The following MECOM variants were observed in gnomAD, a reference collection of about 807,000 sequenced individuals.
MECOM encodes the protein MDS1 and EVI1 complex locus.
In MECOM, 13 loss-of-function variants were observed where a neutral mutation model predicts 116.3. The ratio of observed to expected loss-of-function variants is 0.11; its 90% confidence interval spans 0.07 to 0.18. MECOM has a LOEUF of 0.18. Among genes scored for constraint, MECOM ranks in the 10% least tolerant of loss-of-function variants. The pLI, the probability that MECOM is intolerant of heterozygous loss-of-function variation, is 1.00. For missense variants in MECOM, 1,299 were observed against 1,509.0 expected (o/e 0.86, Z 2.31); for synonymous variants, 528 against 535.2 (o/e 0.99, Z 0.19).
chr3:169,580,871 A>G (rs1466571612), intron 1 of MECOM, among the ~76,000 whole-genome samples: 1 of 152,216 alleles, frequency 6.6e-6, no homozygotes, highest in Non-Finnish European at 1.5e-5. Context: ...CGTATTGACA[A>G]CTAGAGGCTT....
intron 12 of MECOM, among the ~76,000 whole-genome samples, chr3:169,095,769 C>T (rs1311337907): frequency 6.6e-6 from 1 of 152,018 alleles, no homozygotes; most frequent in Admixed American, 6.6e-5. Context: ...AAAACTAAAA[C>T]AATGTAAATA....
At chr3:169,362,232 A>G (rs1308009883) in intron 2 of MECOM, among the ~76,000 whole-genome samples, 1 of 151,928 alleles carries the variant, frequency 6.6e-6, no homozygotes, top group Non-Finnish European at 1.5e-5. Flanking sequence ...CTCAACAACA[A>G]CAATAAATTA....
At chr3:169,569,566 G>C (rs1419121888) in intron 1 of MECOM, among the ~76,000 whole-genome samples, 2 of 152,116 alleles carry the variant, frequency 1.3e-5, no homozygotes, top group African/African-American at 4.8e-5. Context: ...TTCTAAAATT[G>C]ACCATGTAAT....
At chr3:169,485,999 A>AC (rs1276231504) in intron 1 of MECOM, among the ~76,000 whole-genome samples, 1 of 87,338 alleles carries the variant, frequency 1.1e-5, no homozygotes, top group African/African-American at 4.7e-5. Context: ...ATATATGTAT[A>AC]TATATACTAT....
chr3:169,590,579 T>A (rs751221830), intron 1 of MECOM, among the ~76,000 whole-genome samples: 1 of 152,236 alleles, frequency 6.6e-6, no homozygotes, highest in Non-Finnish European at 1.5e-5. Context: ...GATGTATTTT[T>A]AAAATCTCTG....
At chr3:169,366,138 G>A (rs1431716196) in intron 2 of MECOM, among the ~76,000 whole-genome samples, 1 of 151,954 alleles carries the variant, frequency 6.6e-6, no homozygotes, top group Admixed American at 6.6e-5. Flanking sequence ...GATGAGGTCT[G>A]GAATGACCTT....
At chr3:169,291,737 T>C (rs1266117076) in intron 2 of MECOM, among the ~76,000 whole-genome samples, 1 of 152,234 alleles carries the variant, frequency 6.6e-6, no homozygotes, top group Non-Finnish European at 1.5e-5. Flanking sequence ...TTCTAGGCAG[T>C]GCATACATGC....
intron 1 of MECOM, among the ~76,000 whole-genome samples, chr3:169,500,237 A>G (rs995079888): frequency 6.6e-6 from 1 of 152,080 alleles, no homozygotes; most frequent in Non-Finnish European, 1.5e-5. Flanking sequence ...GCCCCACACA[A>G]TAAAAGTCAC....
intron 1 of MECOM, among the ~76,000 whole-genome samples, chr3:169,384,343 A>G (rs1437488641): frequency 1.3e-5 from 2 of 152,192 alleles, no homozygotes; most frequent in East Asian, 3.8e-4. Flanking sequence ...CAAACCCAAC[A>G]TCAAAGGAAA....
At position 169,084,804 on chromosome 3, in the gene MECOM, C is replaced by A; in HGVS notation, c.*105G>T. The A allele has an allele frequency of 7.8e-7, 1 of 1,277,788 alleles. No individual in the cohort carries two copies. The highest frequency in any genetic ancestry group is 1.1e-6 in the Non-Finnish European group (1 of 903,724). The allele number at this position is 1,277,788 out of a possible 1,614,324, so 79.2% of individuals were successfully genotyped here. A position where few individuals can be genotyped will look rare whatever the true frequency, so the allele number is the denominator to read the frequency against. On this transcript the variant is annotated 3_prime_UTR_variant, in exon 17 of 17. Transcript: ENST00000651503. ...GTCACTAGACTTTAGATGAGTGACCCTGCAGGTTTATAAGGCATTCTGCTC... is the reference window on the plus strand; with the variant it reads ...GTCACTAGACTTTAGATGAGTGACCATGCAGGTTTATAAGGCATTCTGCTC...
chr3:169,457,347 G>C (rs1021852411), intron 1 of MECOM, among the ~76,000 whole-genome samples: 20 of 152,100 alleles, frequency 1.3e-4, no homozygotes, highest in Admixed American at 6.5e-4. Flanking sequence ...TTGTTTGGTC[G>C]GGCTCTCTGT....
chr3:169,266,464 T>A (rs1196506401), intron 2 of MECOM, among the ~76,000 whole-genome samples: 1 of 152,188 alleles, frequency 6.6e-6, no homozygotes, highest in Admixed American at 6.5e-5. Flanking sequence ...CGTTAAATGA[T>A]TTTTGTTGTC....
At chr3:169,096,350 A>G (rs1004013723) in intron 12 of MECOM, among the ~76,000 whole-genome samples, 38 of 151,458 alleles carry the variant, frequency 2.5e-4, no homozygotes, top group Non-Finnish European at 4.9e-4. Context: ...GGCTCGCTGC[A>G]ACCTCTGCCT....
chr3:169,114,052 AG>A (rs1728308362), intron 8 of MECOM, among the ~76,000 whole-genome samples: 1 of 152,156 alleles, frequency 6.6e-6, no homozygotes, highest in Non-Finnish European at 1.5e-5. Flanking sequence ...AAGAATCAGA[AG>A]CCAGTTGCTA....
At chr3:169,278,820 C>T (rs1759926626) in intron 2 of MECOM, among the ~76,000 whole-genome samples, 1 of 152,202 alleles carries the variant, frequency 6.6e-6, no homozygotes, top group Non-Finnish European at 1.5e-5. Flanking sequence ...GCCTTATTCA[C>T]TGTTTGAGCA....
In MECOM at chr3:169,579,778, G is replaced by A. The variant is rs902004267; in HGVS notation, c.37+83558C>T. Reference sequence around the variant, plus strand: ...ACATGATATTCTACCACCTATACACGGGTTAAGGTTCAGTGAAATCCCAAC... The same window carrying A: ...ACATGATATTCTACCACCTATACACAGGTTAAGGTTCAGTGAAATCCCAAC... On this transcript the variant is annotated intron_variant, in intron 1 of 16. Coordinates refer to ENST00000651503, the MANE Select transcript of MECOM (RefSeq NM_004991.4). Among the ~76,000 whole-genome samples the A allele has an allele frequency of 2.0e-5, 3 of 152,226 alleles. No homozygotes were observed. The East Asian group carries it at 5.8e-4, about 29-fold the overall frequency.
chr3:169,279,901 T>A (rs1462859877), intron 2 of MECOM, among the ~76,000 whole-genome samples: 1 of 152,228 alleles, frequency 6.6e-6, no homozygotes, highest in Non-Finnish European at 1.5e-5. Flanking sequence ...GCTATTTTGC[T>A]TGCAAACACA....
chr3:169,116,192 C>T lies in MECOM; in HGVS notation c.1680G>A (p.Gln560=), dbSNP rs1172590210. The T allele has an allele frequency of 6.2e-7, 1 of 1,614,198 alleles. No homozygotes were observed. Among genetic ancestry groups the T allele is most frequent in the Non-Finnish European group, 8.5e-7 (1 of 1,180,034 alleles). The change falls in exon 8 of 17, where the codon CAG becomes CAA. Residue 560 remains glutamine (Q), a synonymous_variant. Coordinates refer to ENST00000651503, the MANE Select transcript of MECOM (RefSeq NM_004991.4). ...GCCTCTCTTCAGAGGACCTCTCGGG[C>T]TGGAGCTCCACTGGCTTATTGTCCC... ...SVGDNKPVEL[Q]PERSSEERPF...
At chr3:169,610,847 G>C (rs577404955) in intron 1 of MECOM, among the ~76,000 whole-genome samples, 3 of 152,174 alleles carry the variant, frequency 2.0e-5, no homozygotes, top group Non-Finnish European at 2.9e-5. Flanking sequence ...CCAGCCTCTA[G>C]AACAAGGCTG....
Sources: allele counts gnomAD v4.1 joint callset (sites outside exome capture counted in the v4.1 genomes callset), GRCh38; gene constraint gnomAD v4.1.1; transcripts MANE v1.5; gene names NCBI Gene and HGNC (gene_info 2026-07-23, HGNC 2026-07-21).